The following SLC10A7 variants were observed in gnomAD, a reference collection of about 807,000 sequenced individuals.
SLC10A7 encodes sodium/bile acid cotransporter 7.
In SLC10A7, 29 loss-of-function variants were observed where a neutral mutation model predicts 43.2. The ratio of observed to expected loss-of-function variants is 0.67; its 90% CI spans 0.50 to 0.92. The LOEUF (loss-of-function observed/expected upper bound fraction) is 0.92, where lower values mean the gene tolerates loss of function less well. Among genes scored for constraint, SLC10A7 ranks in the 40% least tolerant of loss-of-function variants. The pLI is 0.00. For missense variants in SLC10A7, 295 were observed against 403.2 expected (o/e 0.73, Z 2.30); for synonymous variants, 152 against 144.8 (o/e 1.05, Z -0.35).
chr4:146,368,526 G>T (rs1375246852), intron 5 of SLC10A7, among the ~76,000 whole-genome samples: 1 of 152,164 alleles, frequency 6.6e-6, no homozygotes, highest in East Asian at 1.9e-4. Flanking sequence ...TTTTACGTAG[G>T]TAGTAACCCT....
chr4:146,294,304 T>C (rs1023183969), intron 7 of SLC10A7, among the ~76,000 whole-genome samples: 2 of 152,226 alleles, frequency 1.3e-5, no homozygotes, highest in African/African-American at 4.8e-5. Context: ...GTGTCCATAA[T>C]GAGAGTATAT....
intron 5 of SLC10A7, among the ~76,000 whole-genome samples, chr4:146,413,250 T>C (rs980810102): frequency 3.3e-5 from 5 of 152,258 alleles, no homozygotes; most frequent in African/African-American, 1.2e-4. Flanking sequence ...CCAATTATTT[T>C]AAGTGTGTCA....
At chr4:146,430,894 A>G (rs1729731987) in intron 5 of SLC10A7, among the ~76,000 whole-genome samples, 1 of 152,116 alleles carries the variant, frequency 6.6e-6, no homozygotes, top group Non-Finnish European at 1.5e-5. Context: ...CAATTACCAA[A>G]AGTTAAAATC....
intron 6 of SLC10A7, among the ~76,000 whole-genome samples, chr4:146,319,111 T>C (rs1449973748): frequency 6.6e-6 from 1 of 152,038 alleles, no homozygotes; most frequent in Middle Eastern, 3.2e-3. Flanking sequence ...CATTTAATGG[T>C]TTCCTGTCTC....
rs74490683 is a variant in SLC10A7 at position 146,417,685 on chromosome 4, C to T, written c.435+25098G>A. Among the ~76,000 whole-genome samples the T allele has an allele frequency of 9.7e-4, 148 of 152,184 alleles. 1 individual carries two copies. In the East Asian group the frequency reaches 0.015, roughly 15 times the overall value. Reference sequence around the variant, plus strand: ...TACTTTTAGCAAATTCTATTTGCTTCGACAGCAATATATAATATAGTGAAG... The same window carrying T: ...TACTTTTAGCAAATTCTATTTGCTTTGACAGCAATATATAATATAGTGAAG... On this transcript the variant is annotated intron_variant, in intron 5 of 11. Coordinates refer to ENST00000335472, the MANE Select transcript of SLC10A7 (RefSeq NM_001029998.6).
At chr4:146,519,506 G>A (rs1166763790) in intron 1 of SLC10A7, among the ~76,000 whole-genome samples, 1 of 151,766 alleles carries the variant, frequency 6.6e-6, no homozygotes, top group East Asian at 1.9e-4. Flanking sequence ...AAGAAAGGGA[G>A]AAGGCAAGTG....
intron 5 of SLC10A7, among the ~76,000 whole-genome samples, chr4:146,407,354 G>T (rs780472972): frequency 4.3e-4 from 66 of 152,164 alleles, no homozygotes; most frequent in Non-Finnish European, 7.3e-4. Flanking sequence ...ATTTCTCAGT[G>T]TTTCCTTGTA....
intron 7 of SLC10A7, among the ~76,000 whole-genome samples, chr4:146,303,697 T>C (rs2149678225): frequency 6.6e-6 from 1 of 152,290 alleles, no homozygotes; most frequent in African/African-American, 2.4e-5. Flanking sequence ...ACATTTTTTA[T>C]ATTCAATATT....
chr4:146,414,266 C>G (rs1364179567), intron 5 of SLC10A7, among the ~76,000 whole-genome samples: 1 of 152,144 alleles, frequency 6.6e-6, no homozygotes, highest in African/African-American at 2.4e-5. Flanking sequence ...AAATAAAACT[C>G]CAATAAAGGT....
At chr4:146,312,711 T>A (rs1275593851) in intron 6 of SLC10A7, among the ~76,000 whole-genome samples, 1 of 152,182 alleles carries the variant, frequency 6.6e-6, no homozygotes, top group African/African-American at 2.4e-5. Flanking sequence ...TCACCTAGCA[T>A]AATGTCCTCC....
At chr4:146,266,246 T>C (rs922291989) in intron 10 of SLC10A7, among the ~76,000 whole-genome samples, 4 of 152,232 alleles carry the variant, frequency 2.6e-5, no homozygotes, top group South Asian at 2.1e-4. Context: ...TTCTTCCTCC[T>C]TAGTGAATCT....
chr4:146,388,440 T>C (rs1738163592), intron 5 of SLC10A7, among the ~76,000 whole-genome samples: 1 of 152,068 alleles, frequency 6.6e-6, no homozygotes, highest in Non-Finnish European at 1.5e-5. Context: ...ATTAAAGACT[T>C]AAATGTAAAA....
At chr4:146,415,006 A>C (rs1461396983) in intron 5 of SLC10A7, among the ~76,000 whole-genome samples, 1 of 152,198 alleles carries the variant, frequency 6.6e-6, no homozygotes, top group Non-Finnish European at 1.5e-5. Context: ...TTAATAATTC[A>C]ATGGATATTC....
Position 146,442,816 on chromosome 4 carries a change from A to G in SLC10A7, c.402T>C (p.Ala134=). 6.3e-7 allele frequency: 1 copy of G among 1,589,280 alleles called. No homozygotes were observed. Residue 134 remains alanine (A), a synonymous_variant, in exon 5 of 12, where the codon GCT becomes GCC. Transcript: ENST00000335472. ...LTKAVGGNEA[A]AIFNSAFGSF... ...TTCCAAAGGCTGAATTAAATATTGC[A>G]GCTGCCTATGAAGAAAATAAATAGG...
chr4:146,357,698 C>T (rs567812228), intron 5 of SLC10A7, among the ~76,000 whole-genome samples: 3 of 152,088 alleles, frequency 2.0e-5, no homozygotes, highest in Admixed American at 2.0e-4. Flanking sequence ...TTGTTTCTAC[C>T]CAAGGTAAGT....
intron 5 of SLC10A7, among the ~76,000 whole-genome samples, chr4:146,387,812 A>T (rs934119382): frequency 6.6e-6 from 1 of 152,092 alleles, no homozygotes; most frequent in Non-Finnish European, 1.5e-5. Context: ...CAAATAAATA[A>T]CTCAGTCTCA....
intron 4 of SLC10A7, among the ~76,000 whole-genome samples, chr4:146,445,478 T>C (rs1046979473): frequency 2.0e-5 from 3 of 152,154 alleles, no homozygotes; most frequent in Non-Finnish European, 4.4e-5. Context: ...CTCCGTTAGC[T>C]CTGCCATCCA....
intron 10 of SLC10A7, among the ~76,000 whole-genome samples, chr4:146,269,642 C>T (rs1268089685): frequency 6.6e-6 from 1 of 152,168 alleles, no homozygotes; most frequent in East Asian, 1.9e-4. Flanking sequence ...TTCTGACTGG[C>T]TCTGGAACTG....
At chr4:146,389,503 G>A (rs1384249134) in intron 5 of SLC10A7, among the ~76,000 whole-genome samples, 2 of 152,142 alleles carry the variant, frequency 1.3e-5, no homozygotes, top group Non-Finnish European at 2.9e-5. Context: ...AAATGTTTTT[G>A]TTAAAGCCAT....
Sources: gnomAD v4.1 joint callset for allele counts (sites outside exome capture counted in the v4.1 genomes callset) on GRCh38, gnomAD v4.1.1 for gene constraint, MANE v1.5 for transcripts, NCBI Gene and HGNC (gene_info 2026-07-23, HGNC 2026-07-21) for gene names.